The following GALNT10 variants were observed in gnomAD, a reference collection of about 807,000 sequenced individuals.
GALNT10 encodes polypeptide N-acetylgalactosaminyltransferase 10, also known as GalNAc transferase 10.
In GALNT10, 41 loss-of-function variants were observed where a neutral mutation model predicts 75.0. The ratio of observed to expected loss-of-function variants is 0.55; its 90% CI spans 0.43 to 0.71. GALNT10 has a LOEUF of 0.71. Ranked by LOEUF, GALNT10 falls within the 30% of genes least tolerant of loss-of-function variation. The pLI, the probability that GALNT10 is intolerant of heterozygous loss-of-function variation, is 0.00. For synonymous variants in GALNT10, 302 were observed against 313.0 expected (o/e 0.96, Z 0.37); for missense variants, 727 against 818.5 (o/e 0.89, Z 1.36).
intron 9 of GALNT10, among the ~76,000 whole-genome samples, chr5:154,411,022 G>A (rs926892151): frequency 6.6e-6 from 1 of 152,204 alleles, no homozygotes; most frequent in Non-Finnish European, 1.5e-5. Flanking sequence ...GCAAGCAGAC[G>A]AGCATGCCAC....
intron 1 of GALNT10, among the ~76,000 whole-genome samples, chr5:154,219,151 A>G (rs1487764185): frequency 6.6e-6 from 1 of 152,128 alleles, no homozygotes; most frequent in Admixed American, 6.5e-5. Context: ...TTGGCTCCCA[A>G]TGTAGCTCAT....
intron 1 of GALNT10, among the ~76,000 whole-genome samples, chr5:154,222,690 C>T (rs1328742289): frequency 2.0e-5 from 3 of 152,184 alleles, no homozygotes; most frequent in East Asian, 3.8e-4. Flanking sequence ...TAATGTCTCA[C>T]ATGAAATTTA....
chr5:154,193,939 T>C (rs1774898238), intron 1 of GALNT10, among the ~76,000 whole-genome samples: 1 of 152,236 alleles, frequency 6.6e-6, no homozygotes, highest in African/African-American at 2.4e-5. Flanking sequence ...GTTGGCTTCT[T>C]GGGAAGCTGC....
At chr5:154,361,459 A>G (rs1358398690) in intron 4 of GALNT10, among the ~76,000 whole-genome samples, 2 of 152,262 alleles carry the variant, frequency 1.3e-5, no homozygotes, top group African/African-American at 4.8e-5. Flanking sequence ...TGCCTGGTGC[A>G]GAGTACACTC....
rs146258951 is a variant in GALNT10 at position 154,412,967 on chromosome 5, G to A, written c.1465G>A (p.Val489Ile). 33 of 1,613,096 alleles carry A rather than the reference G, an allele frequency of 2.0e-5. No homozygotes were observed. The highest frequency in any genetic ancestry group is 8.0e-5 in the African/African-American group (6 of 75,012). ...CTCCCCACTAAGGCTAGAGGGCTGC[G>A]TCCGAGGCCGTGGGGAGGCTGCCTG... ...LGSPLRLEGC[V>I]RGRGEAAWNN... The change falls in exon 10 of 12, where the codon GTC becomes ATC. Residue 489 changes from valine (V) to isoleucine (I), a missense_variant. By Grantham distance (29) the Val-to-Ile change is conservative. Coordinates refer to ENST00000297107, the MANE Select transcript of GALNT10 (RefSeq NM_198321.4). The surrounding 1 kb of genome is among the most constrained non-coding windows in gnomAD (Gnocchi z 4.2).
intron 1 of GALNT10, among the ~76,000 whole-genome samples, chr5:154,251,208 C>T (rs929673094): frequency 5.3e-5 from 8 of 152,160 alleles, no homozygotes; most frequent in Non-Finnish European, 1.2e-4. Context: ...TCACAGCCCC[C>T]TCTTTCCCCT....
At chr5:154,322,622 G>A (rs141251435) in intron 3 of GALNT10, among the ~76,000 whole-genome samples, 10 of 152,284 alleles carry the variant, frequency 6.6e-5, no homozygotes, top group African/African-American at 2.4e-4. Flanking sequence ...TTTCTGGCTG[G>A]AGACACAGGT....
Position 154,416,854 on chromosome 5 carries a change from A to C in GALNT10, c.1694A>C (p.Asp565Ala). The C allele has an allele frequency of 6.2e-7, 1 of 1,611,578 alleles. No individual in the cohort carries two copies. The change falls in exon 12 of 12, where the codon GAC (aspartate) becomes GCC (alanine). Residue 565 changes from aspartate to alanine, a missense_variant. Coordinates refer to ENST00000297107, the MANE Select transcript of GALNT10 (RefSeq NM_198321.4). The surrounding 1 kb of genome is among the most constrained non-coding windows in gnomAD (Gnocchi z 4.5). ...LYHPVSGSCM[D>A]CSESDHRIFM... ...CACCCTGTCAGTGGCAGCTGCATGGACTGCAGTGAAAGTGACCATAGGATC... is the reference window on the plus strand; with the variant it reads ...CACCCTGTCAGTGGCAGCTGCATGGCCTGCAGTGAAAGTGACCATAGGATC...
intron 1 of GALNT10, among the ~76,000 whole-genome samples, chr5:154,197,980 C>G (rs936145795): frequency 6.6e-6 from 1 of 152,142 alleles, no homozygotes; most frequent in Non-Finnish European, 1.5e-5. Context: ...CACCCCTGCC[C>G]GTTAAGCCCT....
At chr5:154,407,973 G>A (rs1756315439) in intron 8 of GALNT10, among the ~76,000 whole-genome samples, 1 of 152,178 alleles carries the variant, frequency 6.6e-6, no homozygotes, top group Non-Finnish European at 1.5e-5. Context: ...TCCAGAGTCA[G>A]CAGCCTGTTT....
At chr5:154,356,210 G>A (rs915901623) in intron 4 of GALNT10, 1 of 456,266 alleles carries the variant, frequency 2.2e-6, no homozygotes, top group African/African-American at 2.0e-5. Context: ...TTCAGCATAC[G>A]CAGCTCTGGG....
At chr5:154,193,885 G>A (rs1326805346) in intron 1 of GALNT10, among the ~76,000 whole-genome samples, 1 of 152,242 alleles carries the variant, frequency 6.6e-6, no homozygotes, top group Non-Finnish European at 1.5e-5. Context: ...ATTTATAAAG[G>A]ACACATAATG....
intron 1 of GALNT10, among the ~76,000 whole-genome samples, chr5:154,246,494 T>C (rs1000009747): frequency 7.9e-5 from 12 of 152,200 alleles, no homozygotes; most frequent in African/African-American, 2.7e-4. Context: ...TTTTAATGAT[T>C]GCCATTCTAA....
At chr5:154,282,150 A>G (rs889089532) in intron 1 of GALNT10, among the ~76,000 whole-genome samples, 15 of 152,232 alleles carry the variant, frequency 9.9e-5, no homozygotes, top group African/African-American at 1.4e-4. Context: ...CATGGGTGAG[A>G]GAGATGGTTG....
chr5:154,288,007 GATGTTTGAA>G, intron 1 of GALNT10, among the ~76,000 whole-genome samples: 1 of 151,582 alleles, frequency 6.6e-6, no homozygotes, highest in Non-Finnish European at 1.5e-5. Flanking sequence ...TAGATAAACA[GATGTTTGAA>G]ATGATATAGT....
chr5:154,296,408 A>G (rs1048057265), intron 2 of GALNT10, among the ~76,000 whole-genome samples: 1 of 152,248 alleles, frequency 6.6e-6, no homozygotes, highest in East Asian at 1.9e-4. Context: ...TGCTGCTTAA[A>G]TTAAGAAAGA....
chr5:154,315,822 AT>A (rs1016018074), intron 3 of GALNT10, among the ~76,000 whole-genome samples: 3 of 152,048 alleles, frequency 2.0e-5, no homozygotes, highest in African/African-American at 7.3e-5. Flanking sequence ...CAGCATATAA[AT>A]TCCTTGTTGG....
chr5:154,330,509 G>A (rs1337869625), intron 4 of GALNT10, among the ~76,000 whole-genome samples: 2 of 152,112 alleles, frequency 1.3e-5, no homozygotes, highest in African/African-American at 4.8e-5. Flanking sequence ...TAGTCATGTG[G>A]TGACCGAACC....
chr5:154,214,280 T>C (rs1217269159), intron 1 of GALNT10, among the ~76,000 whole-genome samples: 3 of 152,194 alleles, frequency 2.0e-5, no homozygotes, highest in African/African-American at 7.2e-5. Flanking sequence ...GGTTCTCCTA[T>C]TGAAAATTCA....
Sources: gnomAD v4.1 joint callset for allele counts (sites outside exome capture counted in the v4.1 genomes callset) on GRCh38, gnomAD v4.1.1 for gene constraint, Gnocchi (gnomAD v3.1) non-coding constraint, MANE v1.5 for transcripts, NCBI Gene and HGNC (gene_info 2026-07-23, HGNC 2026-07-21) for gene names.